The following UBN2 variants were observed in gnomAD, a reference collection of about 807,000 sequenced individuals.
UBN2 encodes the protein ubinuclein 2.
A neutral mutation model predicts 120.2 loss-of-function variants in UBN2; 35 were observed. The observed-to-expected ratio is 0.29, with a 90% confidence interval of 0.22 to 0.39. The LOEUF is 0.39. Ranked by LOEUF, UBN2 falls within the 10% of genes least tolerant of loss-of-function variation. The pLI, the probability that UBN2 is intolerant of heterozygous loss-of-function variation, is 1.00. For synonymous variants in UBN2, 661 were observed against 648.7 expected (o/e 1.02, Z -0.29); for missense variants, 1,693 against 1,663.2 (o/e 1.02, Z -0.31).
Position 139,231,655 on chromosome 7 carries a change from T to C in UBN2, c.171T>C (p.Pro57=). ...ARAEPPAPRE[P]APRSDAQPPS... ...CGGAGCCGCCGGCCCCGCGGGAGCCTGCCCCCCGCTCGGACGCGCAGCCCC... is the reference window on the plus strand; with the variant it reads ...CGGAGCCGCCGGCCCCGCGGGAGCCCGCCCCCCGCTCGGACGCGCAGCCCC... Residue 57 remains proline, a synonymous_variant, in exon 1 of 18, where the codon CCT becomes CCC. Coordinates refer to ENST00000473989, the MANE Select transcript of UBN2 (RefSeq NM_173569.4). The C allele has an allele frequency of 8.3e-7, 1 of 1,203,348 alleles. No homozygotes were observed. Among genetic ancestry groups the C allele is most frequent in the East Asian group, 3.6e-5 (1 of 27,696 alleles). The allele number at this position is 1,203,348 out of a possible 1,614,324, so 74.5% of individuals were successfully genotyped here.
intron 12 of UBN2, among the ~76,000 whole-genome samples, chr7:139,278,398 T>G (rs547498622): frequency 6.6e-6 from 1 of 152,188 alleles, no homozygotes; most frequent in South Asian, 2.1e-4. Flanking sequence ...GCCAGGCTGG[T>G]CTCAAACTCC....
chr7:139,246,362 C>A (rs184852861), intron 2 of UBN2, among the ~76,000 whole-genome samples: 1 of 151,842 alleles, frequency 6.6e-6, no homozygotes, highest in East Asian at 1.9e-4. Flanking sequence ...AGTGAGACTC[C>A]GTCTCAAAAA....
intron 7 of UBN2, among the ~76,000 whole-genome samples, chr7:139,268,981 T>C (rs932895280): frequency 6.6e-6 from 1 of 152,006 alleles, no homozygotes; most frequent in African/African-American, 2.4e-5. Context: ...CCAAGGCGGG[T>C]GGATCATCTG....
chr7:139,240,135 T>C (rs891540142), intron 2 of UBN2, among the ~76,000 whole-genome samples: 5 of 152,156 alleles, frequency 3.3e-5, no homozygotes, highest in African/African-American at 1.2e-4. Context: ...ATATTACTCT[T>C]GTTATAGTCT....
chr7:139,279,437 A>G (rs373683305), intron 13 of UBN2, 77 bp downstream of exon 13: 1 of 1,216,762 alleles, frequency 8.2e-7, no homozygotes, highest in Non-Finnish European at 1.2e-6. Context: ...AAAAAGATGT[A>G]TGGTATTTAG....
chr7:139,283,291 A>G lies in UBN2; in HGVS notation c.2386A>G (p.Lys796Glu), dbSNP rs1400425553. The change falls in exon 15 of 18, where the codon AAG (lysine) becomes GAG (glutamate). Residue 796 changes from lysine (K) to glutamate (E), a missense_variant. This residue lies in a region of UBN2 where 837 missense variants were observed against 817.6 expected (regional missense o/e 1.02). Transcript: ENST00000473989. ...CTCAAGGATAAGCATGCCAACCACA[A>G]AGCCTCGTCCAGGACTGAGAGAAGA... is the stretch of plus-strand genomic sequence containing the variant. ...VGSRISMPTT[K>E]PRPGLREEKL... 6.2e-7 allele frequency: 1 copy of G among 1,613,914 alleles called. No individual in the cohort carries two copies. Among genetic ancestry groups the G allele is most frequent in the Non-Finnish European group, 8.5e-7 (1 of 1,179,986 alleles).
intron 2 of UBN2, among the ~76,000 whole-genome samples, chr7:139,247,031 A>C (rs905710887): frequency 6.6e-6 from 1 of 152,124 alleles, no homozygotes; most frequent in Non-Finnish European, 1.5e-5. Context: ...GTGAGAGTGC[A>C]AGTCTGTGTG....
At chr7:139,328,685 C>T in the UBN2 span, among the ~76,000 whole-genome samples, 1 of 152,028 alleles carries the variant, frequency 6.6e-6, no homozygotes, top group East Asian at 1.9e-4. Flanking sequence ...CATTATGAAA[C>T]TCACAAAAAC....
intron 2 of UBN2, among the ~76,000 whole-genome samples, chr7:139,248,293 A>G (rs2130952480): frequency 6.6e-6 from 1 of 152,272 alleles, no homozygotes; most frequent in Non-Finnish European, 1.5e-5. Flanking sequence ...GAAATCATGG[A>G]AGAGGCAGAA....
At chr7:139,252,091 C>A in intron 3 of UBN2, 34 bp downstream of exon 3, 1 of 1,566,554 alleles carries the variant, frequency 6.4e-7, no homozygotes, top group Admixed American at 1.7e-5. Context: ...GCAGCAAATT[C>A]ATTGTTTGTA....
intron 14 of UBN2, among the ~76,000 whole-genome samples, chr7:139,282,282 T>C (rs1797637439): frequency 6.6e-6 from 1 of 152,226 alleles, no homozygotes; most frequent in South Asian, 2.1e-4. Context: ...TAGTTCTTTT[T>C]CTTAAATATT....
chr7:139,263,465 A>G (rs1019489267), intron 6 of UBN2, among the ~76,000 whole-genome samples: 1 of 152,172 alleles, frequency 6.6e-6, no homozygotes, highest in African/African-American at 2.4e-5. Flanking sequence ...GGTAAAGGCC[A>G]GCATTTTTAA....
At chr7:139,329,027 C>G in the UBN2 span, among the ~76,000 whole-genome samples, 2 of 151,942 alleles carry the variant, frequency 1.3e-5, no homozygotes, top group African/African-American at 2.4e-5. Flanking sequence ...GGGAGGATCA[C>G]TTGAGCCCAG....
Position 139,258,403 on chromosome 7 carries a change from GC to G in UBN2, c.664-84del, listed in dbSNP as rs1249117365. 2.7e-6 allele frequency: 3 copies of G among 1,103,296 alleles called. No individual in the cohort carries two copies. In the Admixed American group the frequency reaches 7.9e-5, roughly 29 times the overall value. The allele number at this position is 1,103,296 out of a possible 1,614,324, so 68.3% of individuals were successfully genotyped here. A position where few individuals can be genotyped will look rare whatever the true frequency, so the allele number is the denominator to read the frequency against. On this transcript the variant is annotated intron_variant, in intron 3 of 17. Coordinates refer to ENST00000473989, the MANE Select transcript of UBN2 (RefSeq NM_173569.4). The stretch of plus-strand genomic sequence containing the variant: ...GTTGCAGTTAGGATTTAAGGGAGAT[GC>G]TGCCATGGTGGATGAATTTCTTTGA...
chr7:139,273,359 G>A lies in UBN2; in HGVS notation c.1778G>A (p.Gly593Glu). ...GSEEDDDEKP[G>E]KRVIGPRKKF... ...GAAGAGGATGATGATGAGAAACCAG[G>A]AAAACGTGTCATAGGACCAAGAAAG... The change falls in exon 10 of 18, where the codon GGA becomes GAA. Residue 593 changes from glycine (G) to glutamate (E), a missense_variant. Gly to Glu is a moderately conservative substitution (Grantham distance 98). Around this residue, in one of 5 missense-constraint regions of UBN2, gnomAD observed 178 missense variants for 204.0 expected, o/e 0.87. Transcript: ENST00000473989. 1 of 1,609,794 alleles carries A rather than the reference G, an allele frequency of 6.2e-7. No individual in the cohort carries two copies.
In UBN2 at chr7:139,293,913, G is replaced by T. The variant is rs781456121; in HGVS notation, c.3926G>T (p.Gly1309Val). 5.0e-6 allele frequency: 8 copies of T among 1,614,090 alleles called. No homozygotes were observed. Among genetic ancestry groups the T allele is most frequent in the Non-Finnish European group, 6.8e-6 (8 of 1,179,996 alleles). The change falls in exon 17 of 18, where the codon GGA becomes GTA. Residue 1309 changes from glycine to valine, a missense_variant. Gly to Val is a moderately radical substitution (Grantham distance 109). Around this residue, in one of 5 missense-constraint regions of UBN2, gnomAD observed 837 missense variants for 817.6 expected, o/e 1.02. Transcript: ENST00000473989. ...TQNLLKGLQP[G>V]GAQHAATLSH... ...GATTTACTAAAGGGTTTACAGCCAG[G>T]AGGAGCTCAGCATGCAGCAACGCTT... is the stretch of plus-strand genomic sequence containing the variant.
chr7:139,322,118 C>T, the UBN2 span, among the ~76,000 whole-genome samples: 13 of 152,090 alleles, frequency 8.5e-5, 1 homozygote, highest in Middle Eastern at 6.8e-3. Context: ...GGACTATAGA[C>T]ACGTGCCACT....
At chr7:139,311,000 T>C (rs1261179743), downstream of UBN2, among the ~76,000 whole-genome samples, 3 of 152,202 alleles carry the variant, frequency 2.0e-5, no homozygotes, top group Admixed American at 1.3e-4. Context: ...TTGCAAACAG[T>C]CAAAAGTTTG....
At chr7:139,328,490 A>G in the UBN2 span, among the ~76,000 whole-genome samples, 2 of 152,214 alleles carry the variant, frequency 1.3e-5, no homozygotes, top group Non-Finnish European at 2.9e-5. Flanking sequence ...AGCTAGAGCC[A>G]AACCCTGACA....
Sources: allele counts gnomAD v4.1 joint callset (sites outside exome capture counted in the v4.1 genomes callset), GRCh38; gene constraint gnomAD v4.1.1; regional missense constraint gnomAD v4.1.1; transcripts MANE v1.5; gene names NCBI Gene and HGNC (gene_info 2026-07-23, HGNC 2026-07-21).